PDE8B: variants seen among roughly 807,000 people sequenced by gnomAD.
PDE8B encodes the protein high affinity cAMP-specific and IBMX-insensitive 3',5'-cyclic phosphodiesterase 8B.
In PDE8B, 26 loss-of-function variants were observed where a neutral mutation model predicts 101.3. That is an observed-to-expected ratio of 0.26 (90% confidence interval 0.19 to 0.36). PDE8B has a LOEUF of 0.36. Among genes scored for constraint, PDE8B ranks in the 10% least tolerant of loss-of-function variants. The pLI is 1.00. For missense variants in PDE8B, 810 were observed against 1,163.1 expected, an observed-to-expected ratio of 0.70 and a Z score of 4.42; for synonymous variants, 424 against 429.3, an observed-to-expected ratio of 0.99 and a Z score of 0.15.
At chr5:77,397,157 G>A (rs945592885) in intron 10 of PDE8B, among the ~76,000 whole-genome samples, 3 of 149,344 alleles carry the variant, frequency 2.0e-5, no homozygotes, top group African/African-American at 5.0e-5. Context: ...AGCCTCCCGA[G>A]TAGCGGGGAC....
At chr5:77,177,455 GT>G in the PDE8B span, among the ~76,000 whole-genome samples, 1 of 39,258 alleles carries the variant, frequency 2.5e-5, no homozygotes, top group East Asian at 7.8e-4. Context: ...ACAATAGACT[GT>G]AATAAAAGTT....
chr5:77,305,989 G>A (rs1173540140), intron 1 of PDE8B, among the ~76,000 whole-genome samples: 2 of 152,078 alleles, frequency 1.3e-5, no homozygotes, highest in East Asian at 3.9e-4. Flanking sequence ...ATTGAAGTGG[G>A]GAAGATTCAG....
At chr5:77,300,689 G>A (rs1053938944) in intron 1 of PDE8B, among the ~76,000 whole-genome samples, 1 of 152,208 alleles carries the variant, frequency 6.6e-6, no homozygotes, top group Non-Finnish European at 1.5e-5. Flanking sequence ...AAGAGGAGGG[G>A]CCAAGGGCTG....
At chr5:77,404,866 A>G in intron 12 of PDE8B, 69 bp downstream of exon 12, 1 of 1,003,538 alleles carries the variant, frequency 1.0e-6, no homozygotes, top group Non-Finnish European at 1.6e-6. Context: ...ATGTTAAAAA[A>G]TTCATCAGCG....
chr5:77,115,746 C>T, the PDE8B span, among the ~76,000 whole-genome samples: 91 of 152,278 alleles, frequency 6.0e-4, no homozygotes, highest in African/African-American at 1.8e-3. Context: ...ACGAGTCGGC[C>T]GTTGCCATTG....
At chr5:77,391,368 G>T (rs904442508) in intron 10 of PDE8B, among the ~76,000 whole-genome samples, 1 of 152,160 alleles carries the variant, frequency 6.6e-6, no homozygotes, top group African/African-American at 2.4e-5. Flanking sequence ...GGTTCCTGAC[G>T]GCAGATGCTG....
At chr5:77,224,973 T>A (rs10474491) in intron 1 of PDE8B, among the ~76,000 whole-genome samples, 1 of 151,864 alleles carries the variant, frequency 6.6e-6, no homozygotes, top group African/African-American at 2.4e-5. Flanking sequence ...CTTTTTTTTT[T>A]GGGGAAGACT....
intron 10 of PDE8B, among the ~76,000 whole-genome samples, chr5:77,361,491 C>T (rs2884816): frequency 0.83 from 126,389 of 151,624 alleles, 53,072 homozygotes; most frequent in East Asian, 0.97. Flanking sequence ...TCTATGTACA[C>T]CTTTGTTATT....
At chr5:77,343,761 C>T (rs925635218) in intron 6 of PDE8B, among the ~76,000 whole-genome samples, 2 of 151,870 alleles carry the variant, frequency 1.3e-5, no homozygotes, top group African/African-American at 4.8e-5. Context: ...TATTTTTAAA[C>T]TTTTTCACTT....
intron 3 of PDE8B, among the ~76,000 whole-genome samples, chr5:77,326,075 A>G (rs973034638): frequency 1.3e-5 from 2 of 152,214 alleles, no homozygotes; most frequent in Admixed American, 1.3e-4. Context: ...TAGCTATTTT[A>G]ATCTTCATTA....
At chr5:77,411,610 T>TA (rs572664482) in intron 14 of PDE8B, 66 bp from the exon 15 acceptor site, 32,294 of 975,330 alleles carry the variant, frequency 0.033, 13 homozygotes, top group South Asian at 0.036. Flanking sequence ...TCACTAATAA[T>TA]AAAAAAAAAA....
At chr5:77,117,001 C>T in the PDE8B span, among the ~76,000 whole-genome samples, 1 of 152,208 alleles carries the variant, frequency 6.6e-6, no homozygotes, top group South Asian at 2.1e-4. Flanking sequence ...ACCCGGTTTC[C>T]ACCTGGCTCA....
At chr5:77,137,967 A>G in the PDE8B span, among the ~76,000 whole-genome samples, 1 of 152,148 alleles carries the variant, frequency 6.6e-6, no homozygotes, top group Non-Finnish European at 1.5e-5. Flanking sequence ...ATGGTTGCCA[A>G]GGTAGCTGGA....
At chr5:77,144,582 T>C in the PDE8B span, 1 of 132,134 alleles carries the variant, frequency 7.6e-6, no homozygotes, top group East Asian at 2.5e-4. Context: ...TATAAAAATG[T>C]TGGAGGAAGA....
intron 5 of PDE8B, among the ~76,000 whole-genome samples, chr5:77,334,950 T>G (rs1777846414): frequency 6.6e-6 from 1 of 152,202 alleles, no homozygotes; most frequent in Admixed American, 6.5e-5. Context: ...ACAGAGCACT[T>G]TTGCAACATT....
chr5:77,127,574 T>G, the PDE8B span, among the ~76,000 whole-genome samples: 2 of 152,098 alleles, frequency 1.3e-5, no homozygotes, highest in Admixed American at 6.5e-5. Flanking sequence ...TAGTAAACTA[T>G]TTCCTACTGC....
At chr5:77,232,705 T>G (rs1214952567) in intron 1 of PDE8B, among the ~76,000 whole-genome samples, 2 of 152,220 alleles carry the variant, frequency 1.3e-5, no homozygotes, top group Non-Finnish European at 2.9e-5. Flanking sequence ...GAGATGAAGG[T>G]CTGTGTCTCT....
chr5:77,277,033 C>T (rs925139577), intron 1 of PDE8B, among the ~76,000 whole-genome samples: 1 of 152,144 alleles, frequency 6.6e-6, no homozygotes, highest in Non-Finnish European at 1.5e-5. Flanking sequence ...GTTGCTTTCA[C>T]GGTGGTTGTT....
the PDE8B span, chr5:77,141,957 G>A: frequency 6.6e-6 from 1 of 152,088 alleles, no homozygotes; most frequent in African/African-American, 2.4e-5. Flanking sequence ...ATATATCCAT[G>A]TATAAAGTAT....
Sources: allele counts gnomAD v4.1 joint callset (sites outside exome capture counted in the v4.1 genomes callset), GRCh38; gene constraint gnomAD v4.1.1; transcripts MANE v1.5; gene names NCBI Gene and HGNC (gene_info 2026-07-23, HGNC 2026-07-21).